The following WDR70 variants were observed in gnomAD, a reference collection of about 807,000 sequenced individuals.
WDR70 encodes WD repeat-containing protein 70.
Under a neutral mutation model 88.6 loss-of-function variants are expected in WDR70, and 53 were observed. That is an observed-to-expected ratio of 0.60 (90% confidence interval 0.48 to 0.75). The LOEUF (loss-of-function observed/expected upper bound fraction) is 0.75. Among genes scored for constraint, WDR70 ranks in the 30% least tolerant of loss-of-function variants. The pLI is 0.00. For synonymous variants in WDR70, 280 were observed against 270.0 expected, an observed-to-expected ratio of 1.04 and a Z score of -0.36; for missense variants, 610 against 823.2, an observed-to-expected ratio of 0.74 and a Z score of 3.17.
chr5:37,444,600 C>T (rs189443750), intron 7 of WDR70, among the ~76,000 whole-genome samples: 4,776 of 152,212 alleles, frequency 0.031, 96 homozygotes, highest in Middle Eastern at 0.092. Flanking sequence ...GCCTCGTCTT[C>T]CCAAAGTGCT....
chr5:37,678,167 G>T (rs1196682071), intron 10 of WDR70, among the ~76,000 whole-genome samples: 7 of 152,026 alleles, frequency 4.6e-5, no homozygotes, highest in Middle Eastern at 3.2e-3. Flanking sequence ...CACACTGATG[G>T]GTCTTGACTC....
chr5:37,637,072 T>C (rs2112534749), intron 10 of WDR70, among the ~76,000 whole-genome samples: 1 of 152,282 alleles, frequency 6.6e-6, no homozygotes, highest in East Asian at 1.9e-4. Context: ...CCAGGCGTGG[T>C]AGCTCACGTA....
chr5:37,588,158 A>T (rs1353918215), intron 9 of WDR70, among the ~76,000 whole-genome samples: 1 of 152,202 alleles, frequency 6.6e-6, no homozygotes, highest in African/African-American at 2.4e-5. Flanking sequence ...TACATCTAGT[A>T]TAGAATTTTA....
intron 10 of WDR70, among the ~76,000 whole-genome samples, chr5:37,627,011 C>CT (rs1744687483): frequency 6.6e-6 from 1 of 151,630 alleles, no homozygotes; most frequent in East Asian, 1.9e-4. Context: ...CTCTTTTTTT[C>CT]TTTTTTTCTG....
intron 10 of WDR70, among the ~76,000 whole-genome samples, chr5:37,645,230 T>C (rs188690409): frequency 1.3e-5 from 2 of 152,112 alleles, no homozygotes; most frequent in East Asian, 1.9e-4. Flanking sequence ...AATCCCTTCA[T>C]TGACTCACTG....
At chr5:37,678,429 G>C (rs1246004581) in intron 10 of WDR70, among the ~76,000 whole-genome samples, 3 of 152,090 alleles carry the variant, frequency 2.0e-5, no homozygotes, top group Non-Finnish European at 4.4e-5. Context: ...CAGGCCTGGT[G>C]GTGACAAAAT....
At chr5:37,564,134 C>A (rs1468231542) in intron 9 of WDR70, among the ~76,000 whole-genome samples, 1 of 150,590 alleles carries the variant, frequency 6.6e-6, no homozygotes, top group African/African-American at 2.4e-5. Context: ...GGCGGCTGGG[C>A]AGAGGCTGCA....
At chr5:37,649,086 G>T (rs947013006) in intron 10 of WDR70, among the ~76,000 whole-genome samples, 1 of 152,122 alleles carries the variant, frequency 6.6e-6, no homozygotes, top group Admixed American at 6.5e-5. Flanking sequence ...ATATTAAAAA[G>T]GGTGCTCTGT....
At chr5:37,511,502 T>A (rs921897527) in intron 8 of WDR70, among the ~76,000 whole-genome samples, 1 of 152,122 alleles carries the variant, frequency 6.6e-6, no homozygotes, top group Non-Finnish European at 1.5e-5. Flanking sequence ...ACCCCATCTC[T>A]GTAATCAATA....
chr5:37,707,099 A>G (rs545257857), intron 13 of WDR70, among the ~76,000 whole-genome samples: 9 of 152,298 alleles, frequency 5.9e-5, no homozygotes, highest in African/African-American at 2.2e-4. Flanking sequence ...CTGAAATAAC[A>G]ATATTATTAG....
At chr5:37,487,627 A>ATTTTTTT (rs70978825) in intron 8 of WDR70, among the ~76,000 whole-genome samples, 1 of 69,070 alleles carries the variant, frequency 1.4e-5, no homozygotes, top group African/African-American at 5.0e-5. Flanking sequence ...ATATATATGT[A>ATTTTTTT]TTTTTTTTTT....
chr5:37,446,600 C>A (rs1267588791), intron 7 of WDR70, among the ~76,000 whole-genome samples: 2 of 152,088 alleles, frequency 1.3e-5, no homozygotes, highest in African/African-American at 4.8e-5. Flanking sequence ...AGATATAGAC[C>A]AATGGAACAG....
At chr5:37,745,114 A>G (rs1051220512) in intron 17 of WDR70, among the ~76,000 whole-genome samples, 1 of 152,210 alleles carries the variant, frequency 6.6e-6, no homozygotes, top group Non-Finnish European at 1.5e-5. Flanking sequence ...TTGCGGGCCA[A>G]TATCCAACAT....
intron 9 of WDR70, among the ~76,000 whole-genome samples, chr5:37,556,652 A>G (rs555097321): frequency 7.2e-5 from 11 of 152,332 alleles, no homozygotes; most frequent in African/African-American, 2.6e-4. Context: ...AGCTGTTAAC[A>G]TTCCTTTTAA....
At chr5:37,462,032 A>G (rs1739021916) in intron 7 of WDR70, among the ~76,000 whole-genome samples, 1 of 152,038 alleles carries the variant, frequency 6.6e-6, no homozygotes. Context: ...ATCTTTTCCT[A>G]CTAGAAATTT....
intron 8 of WDR70, among the ~76,000 whole-genome samples, chr5:37,481,206 G>A (rs1739657544): frequency 6.6e-6 from 1 of 152,176 alleles, no homozygotes; most frequent in Non-Finnish European, 1.5e-5. Context: ...ACCATTCTGG[G>A]GTCTGGAGGA....
intron 5 of WDR70, among the ~76,000 whole-genome samples, chr5:37,412,612 CT>C (rs1397322708): frequency 6.6e-6 from 1 of 152,132 alleles, no homozygotes; most frequent in East Asian, 1.9e-4. Context: ...GTAACAGCAG[CT>C]TTCTAGTTGT....
intron 10 of WDR70, among the ~76,000 whole-genome samples, chr5:37,688,646 G>A (rs1456274538): frequency 6.6e-6 from 1 of 150,698 alleles, no homozygotes; most frequent in East Asian, 2.0e-4. Flanking sequence ...GTTTGTCCTA[G>A]GAACAGAATA....
chr5:37,403,090 G>C (rs925949433), intron 5 of WDR70, among the ~76,000 whole-genome samples: 1 of 151,702 alleles, frequency 6.6e-6, no homozygotes, highest in African/African-American at 2.4e-5. Context: ...GGGATTACAG[G>C]TGTGCACCAC....
Sources: gnomAD v4.1 joint callset for allele counts (sites outside exome capture counted in the v4.1 genomes callset) on GRCh38, gnomAD v4.1.1 for gene constraint, MANE v1.5 for transcripts, NCBI Gene and HGNC (gene_info 2026-07-23, HGNC 2026-07-21) for gene names.